The following PPEF1 variants were observed in gnomAD, a reference collection of about 807,000 sequenced individuals.
PPEF1 encodes protein phosphatase with EF-hand domain 1.
A neutral mutation model predicts 53.3 loss-of-function variants in PPEF1; 12 were observed. The observed-to-expected ratio is 0.23, with a 90% CI of 0.14 to 0.36. The LOEUF is 0.36. Ranked by LOEUF, PPEF1 falls within the 10% of genes least tolerant of loss-of-function variation. PPEF1 has a pLI of 1.00. For missense variants in PPEF1, 334 were observed against 490.4 expected (o/e 0.68, Z 3.01); for synonymous variants, 165 against 176.7 (o/e 0.93, Z 0.52).
intron 3 of PPEF1, among the ~76,000 whole-genome samples, chrX:18,734,881 A>G (rs1488766826): frequency 8.9e-6 from 1 of 112,294 alleles, no homozygotes; most frequent in East Asian, 2.8e-4. Flanking sequence ...ATGGCCAGTG[A>G]CGATGAGCAT....
upstream of PPEF1, chrX:18,707,623 G>A (rs763624894): frequency 5.5e-5 from 24 of 432,928 alleles, no homozygotes; most frequent in Non-Finnish European, 8.8e-5. Context: ...GTTAACTGGC[G>A]GTTTCCTTCC....
At chrX:18,718,088 T>C (rs193206376) in intron 1 of PPEF1, among the ~76,000 whole-genome samples, 32 of 112,110 alleles carry the variant, frequency 2.9e-4, no homozygotes, top group African/African-American at 1.0e-3. Flanking sequence ...CAAACACATT[T>C]AATGCCTGTA....
chrX:18,714,587 G>A (rs112104325), intron 1 of PPEF1, among the ~76,000 whole-genome samples: 22 of 112,235 alleles, frequency 2.0e-4, no homozygotes, highest in African/African-American at 7.1e-4. Context: ...GTAAGTTTAT[G>A]CAGCTTACAG....
intron 10 of PPEF1, among the ~76,000 whole-genome samples, chrX:18,799,267 G>A (rs59976959): frequency 0.03 from 3,167 of 106,154 alleles, 124 homozygotes; most frequent in African/African-American, 0.1. Context: ...CTAGCTGGGC[G>A]TGGTGGCACG....
intron 7 of PPEF1, among the ~76,000 whole-genome samples, 175 bp from the exon 8 acceptor site, chrX:18,782,191 T>C (rs999896602): frequency 9.0e-6 from 1 of 111,655 alleles, no homozygotes; most frequent in Non-Finnish European, 1.9e-5. Flanking sequence ...GTTGGTTGCT[T>C]TTATGCTTTC....
At chrX:18,808,257 G>T (rs1343819404) in intron 12 of PPEF1, among the ~76,000 whole-genome samples, 1 of 110,084 alleles carries the variant, frequency 9.1e-6, no homozygotes, top group African/African-American at 3.3e-5. Context: ...GAGCCACCAC[G>T]CCCGGCCGTA....
At chrX:18,802,864 T>A (rs890008274) in intron 10 of PPEF1, among the ~76,000 whole-genome samples, 5 of 109,738 alleles carry the variant, frequency 4.6e-5, no homozygotes, top group African/African-American at 9.9e-5. Flanking sequence ...AAAAAAAAAA[T>A]GGCAAGGCCT....
chrX:18,766,065 CAAA>C (rs61277288), intron 6 of PPEF1, among the ~76,000 whole-genome samples: 1,614 of 63,918 alleles, frequency 0.025, 60 homozygotes, highest in African/African-American at 0.09. Context: ...AACTCTGTCT[CAAA>C]AAAAAAAAAA....
intron 1 of PPEF1, among the ~76,000 whole-genome samples, chrX:18,727,519 C>A (rs1238891687): frequency 9.0e-6 from 1 of 110,818 alleles, no homozygotes; most frequent in East Asian, 2.8e-4. Context: ...CAATCATCAA[C>A]ACAGAAGACT....
chrX:18,679,747 A>G (rs751400686), upstream of PPEF1, among the ~76,000 whole-genome samples: 115 of 111,110 alleles, frequency 1.0e-3, no homozygotes, highest in Non-Finnish European at 9.8e-4. Flanking sequence ...CTCAACTAGA[A>G]AAGCTGAAGC....
At chrX:18,763,142 T>C (rs1231763999) in intron 6 of PPEF1, among the ~76,000 whole-genome samples, 1 of 111,818 alleles carries the variant, frequency 8.9e-6, no homozygotes, top group Non-Finnish European at 1.9e-5. Flanking sequence ...GTCTGAGTCC[T>C]GAAGACCTTC....
At chrX:18,693,895 G>A (rs1174457481) in intron 4 of PPEF1, among the ~76,000 whole-genome samples, 2 of 111,951 alleles carry the variant, frequency 1.8e-5, no homozygotes, top group African/African-American at 6.5e-5. Context: ...CACATGGATA[G>A]ATTAGCATAA....
At chrX:18,788,901 A>G (rs1429734221) in intron 9 of PPEF1, among the ~76,000 whole-genome samples, 1 of 112,653 alleles carries the variant, frequency 8.9e-6, no homozygotes, top group Non-Finnish European at 1.9e-5. Flanking sequence ...TTTATAGGCA[A>G]TGTCTGTAAT....
At chrX:18,685,987 A>AT (rs1399865401) in intron 2 of PPEF1, among the ~76,000 whole-genome samples, 1 of 111,714 alleles carries the variant, frequency 9.0e-6, no homozygotes, top group African/African-American at 3.3e-5. Context: ...TCTTATTGTC[A>AT]TTTTTTCTTT....
In PPEF1 at chrX:18,785,567, T is replaced by C. The variant is rs754575450; in HGVS notation, c.912+1519T>C. ...TCCTATTGTAATTATTAATAGCACC[T>C]CCTTTTACTCTAAAAAAAAAAAATC... On this transcript the variant is annotated intron_variant, in intron 9 of 15. Transcript: ENST00000470157. Among the ~76,000 whole-genome samples the C allele has an allele frequency of 3.7e-5, 4 of 109,576 alleles. No individual in the cohort carries two copies. The South Asian group carries it at 1.6e-3, about 44-fold the overall frequency.
intron 1 of PPEF1, among the ~76,000 whole-genome samples, chrX:18,715,688 TC>T (rs2044437276): frequency 8.9e-6 from 1 of 112,069 alleles, no homozygotes; most frequent in Non-Finnish European, 1.9e-5. Flanking sequence ...TTGATTAGTC[TC>T]CCTCGTTTTA....
Position 18,825,720 on chromosome X carries a change from T to C in PPEF1, c.1666-31T>C, listed in dbSNP as rs761033680. ...AGCGATCAGTGTCATGAATTCAATA[T>C]GTTCTAACACTTAGAAAATCTTTAT... On this transcript the variant is annotated intron_variant, in intron 14 of 15. Coordinates refer to ENST00000470157, the MANE Select transcript of PPEF1 (RefSeq NM_001377996.1). 25 of 974,723 alleles carry C rather than the reference T, an allele frequency of 2.6e-5. No individual in the cohort carries two copies. In the South Asian group the frequency reaches 6.4e-4, roughly 25 times the overall value. 80.3% of individuals were successfully genotyped at this position (974,723 alleles called of 1,213,427 possible). A position where few individuals can be genotyped will look rare whatever the true frequency, so the allele number is the denominator to read the frequency against.
chrX:18,725,782 G>T (rs780609930), intron 1 of PPEF1, among the ~76,000 whole-genome samples: 3 of 111,417 alleles, frequency 2.7e-5, no homozygotes, highest in African/African-American at 9.8e-5. Flanking sequence ...GGGCAGTTCC[G>T]TTTCCTGACT....
intron 3 of PPEF1, among the ~76,000 whole-genome samples, chrX:18,687,713 G>A (rs1401422004): frequency 2.4e-5 from 2 of 84,732 alleles, no homozygotes; most frequent in Admixed American, 3.1e-4. Flanking sequence ...TTTTGAGACA[G>A]AGTCTCACTC....
Sources: gnomAD v4.1 joint callset for allele counts (sites outside exome capture counted in the v4.1 genomes callset) on GRCh38, gnomAD v4.1.1 for gene constraint, MANE v1.5 for transcripts, NCBI Gene and HGNC (gene_info 2026-07-23, HGNC 2026-07-21) for gene names.